The following ATP8B1 variants were observed in gnomAD, a reference collection of about 807,000 sequenced individuals.
The protein encoded by ATP8B1 is ATPase phospholipid transporting 8B1.
In ATP8B1, 80 loss-of-function variants were observed where a neutral mutation model predicts 149.9. That is an observed-to-expected ratio of 0.53 (90% CI 0.45 to 0.64). ATP8B1 has a LOEUF of 0.64. Ranked by LOEUF, ATP8B1 falls within the 30% of genes least tolerant of loss-of-function variation. The probability of loss-of-function intolerance (pLI) is 0.00; values close to 1 mark genes in which losing one functional copy is unlikely to be tolerated. For synonymous variants in ATP8B1, 536 were observed against 562.8 expected, an observed-to-expected ratio of 0.95 and a Z score of 0.67; for missense variants, 1,247 against 1,552.6, an observed-to-expected ratio of 0.80 and a Z score of 3.31.
intron 4 of ATP8B1, among the ~76,000 whole-genome samples, chr18:57,702,401 G>A (rs1358887981): frequency 6.6e-6 from 1 of 152,198 alleles, no homozygotes; most frequent in Non-Finnish European, 1.5e-5. Flanking sequence ...ATGGGACTTT[G>A]AGCAAGTTAC....
intron 15 of ATP8B1, among the ~76,000 whole-genome samples, chr18:57,676,247 A>C (rs893227020): frequency 1.3e-5 from 2 of 151,956 alleles, no homozygotes; most frequent in Non-Finnish European, 2.9e-5. Flanking sequence ...TGCAGCCTTG[A>C]TCGCTTCAGG....
intron 2 of ATP8B1, among the ~76,000 whole-genome samples, chr18:57,721,237 C>A (rs914307621): frequency 6.9e-6 from 1 of 145,412 alleles, no homozygotes; most frequent in African/African-American, 2.6e-5. Flanking sequence ...ATCAAATTCA[C>A]ACATAACAAT....
At chr18:57,649,911 A>G (rs962861470) in intron 27 of ATP8B1, among the ~76,000 whole-genome samples, 5 of 152,174 alleles carry the variant, frequency 3.3e-5, no homozygotes, top group African/African-American at 7.2e-5. Context: ...TCTTGACAAC[A>G]TTAAATTGCT....
At chr18:57,790,881 T>C (rs1476213296) in intron 1 of ATP8B1, among the ~76,000 whole-genome samples, 1 of 151,952 alleles carries the variant, frequency 6.6e-6, no homozygotes, top group African/African-American at 2.4e-5. Context: ...CCACCACACC[T>C]GGCTAATTTT....
At chr18:57,794,137 C>T (rs1362236591) in intron 1 of ATP8B1, among the ~76,000 whole-genome samples, 1 of 152,090 alleles carries the variant, frequency 6.6e-6, no homozygotes, top group Non-Finnish European at 1.5e-5. Flanking sequence ...TGGCTTCAAG[C>T]TTTGATGAGT....
At chr18:57,662,710 A>C in intron 20 of ATP8B1, 95 bp from the exon 21 acceptor site, 1 of 1,406,278 alleles carries the variant, frequency 7.1e-7, no homozygotes. Context: ...TGTGACAAAA[A>C]AACAAAGTTT....
intron 8 of ATP8B1, among the ~76,000 whole-genome samples, chr18:57,696,547 C>CAAAAAAAAA (rs10639684): frequency 6.9e-6 from 1 of 145,656 alleles, no homozygotes. Context: ...TTTTTTCCGC[C>CAAAAAAAAA]AAAAAAAAAA....
chr18:57,661,674 T>TACACAC lies in ATP8B1; in HGVS notation c.2419-213_2419-212insGTGTGT, dbSNP rs1360057007. On this transcript the variant is annotated intron_variant, in intron 21 of 27. Coordinates refer to ENST00000648908, the MANE Select transcript of ATP8B1 (RefSeq NM_001374385.1). ...ACACATATATGTATGTGTGTATGTA[T>TACACAC]ATACACACACACACACACACACATA... Among the ~76,000 whole-genome samples, 6,652 of 39,010 alleles carry TACACAC rather than the reference T, an allele frequency of 0.17. 254 individuals carry two copies. The highest frequency in any genetic ancestry group is 0.21 in the Non-Finnish European group (4,683 of 22,112). The allele number at this position is 39,010 out of a possible 152,430, so 25.6% of individuals were successfully genotyped here. A position where few individuals can be genotyped will look rare whatever the true frequency, so the allele number is the denominator to read the frequency against.
chr18:57,764,124 A>G (rs2080183918), intron 1 of ATP8B1, among the ~76,000 whole-genome samples: 1 of 152,102 alleles, frequency 6.6e-6, no homozygotes, highest in Non-Finnish European at 1.5e-5. Context: ...AGTCTTTTGT[A>G]TTTTTGTCCC....
intron 13 of ATP8B1, among the ~76,000 whole-genome samples, chr18:57,687,113 G>C (rs1336824236): frequency 6.6e-6 from 1 of 152,104 alleles, no homozygotes; most frequent in African/African-American, 2.4e-5. Flanking sequence ...ATAGGCATGA[G>C]ACACTGCACC....
intron 1 of ATP8B1, among the ~76,000 whole-genome samples, chr18:57,796,544 T>A (rs369513936): frequency 1.3e-5 from 2 of 152,310 alleles, no homozygotes; most frequent in East Asian, 3.9e-4. Flanking sequence ...AGTGCCTGAC[T>A]TAGAGGACTC....
chr18:57,730,097 C>T (rs1384600736), intron 2 of ATP8B1, among the ~76,000 whole-genome samples: 1 of 152,048 alleles, frequency 6.6e-6, no homozygotes, highest in East Asian at 1.9e-4. Flanking sequence ...TGAGAATCTC[C>T]CCACAGGCAG....
At chr18:57,700,845 A>C (rs1368960237) in intron 6 of ATP8B1, among the ~76,000 whole-genome samples, 194 bp downstream of exon 6, 1 of 152,180 alleles carries the variant, frequency 6.6e-6, no homozygotes, top group Non-Finnish European at 1.5e-5. Context: ...TGAACCTGGG[A>C]GGTGGAAGTT....
chr18:57,661,608 C>T (rs1910409301), intron 21 of ATP8B1, 146 bp from the exon 22 acceptor site: 1 of 739,112 alleles, frequency 1.4e-6, no homozygotes, highest in Non-Finnish European at 2.1e-6. Flanking sequence ...ATAACCAAAA[C>T]ATGTATATAT....
intron 2 of ATP8B1, among the ~76,000 whole-genome samples, chr18:57,727,801 C>T (rs2079723843): frequency 6.6e-6 from 1 of 151,878 alleles, no homozygotes. Flanking sequence ...CAAAAACAAA[C>T]AAACAAACAA....
At chr18:57,700,649 A>G (rs1323027742) in intron 6 of ATP8B1, among the ~76,000 whole-genome samples, 4 of 152,184 alleles carry the variant, frequency 2.6e-5, no homozygotes, top group Non-Finnish European at 5.9e-5. Flanking sequence ...AAGGCCAGGC[A>G]TGGTGGCTTA....
chr18:57,715,119 C>CAA (rs1174130113), intron 2 of ATP8B1, among the ~76,000 whole-genome samples: 1 of 152,100 alleles, frequency 6.6e-6, no homozygotes, highest in Non-Finnish European at 1.5e-5. Flanking sequence ...AAATTCAAGA[C>CAA]AACACAGAAA....
At chr18:57,692,507 C>T (rs1912591462) in intron 11 of ATP8B1, among the ~76,000 whole-genome samples, 1 of 138,968 alleles carries the variant, frequency 7.2e-6, no homozygotes, top group African/African-American at 2.7e-5. Context: ...GCCATTGTGG[C>T]TCACTACAAC....
At chr18:57,713,583 C>T (rs319410) in intron 2 of ATP8B1, among the ~76,000 whole-genome samples, 25,096 of 150,500 alleles carry the variant, frequency 0.17, 2,777 homozygotes, top group East Asian at 0.49. Flanking sequence ...CTCCACCTAC[C>T]GGGTTCAAGC....
Sources: allele counts gnomAD v4.1 joint callset (sites outside exome capture counted in the v4.1 genomes callset), GRCh38; gene constraint gnomAD v4.1.1; transcripts MANE v1.5; gene names NCBI Gene and HGNC (gene_info 2026-07-23, HGNC 2026-07-21).